Variants in MYO6 observed in about 807,000 individuals in gnomAD.
MYO6 encodes myosin VI.
In MYO6, 74 loss-of-function variants were observed where a neutral mutation model predicts 178.7. That is an observed-to-expected ratio of 0.41 (90% CI 0.34 to 0.50). MYO6 has a LOEUF of 0.50. MYO6 is among the 20% of genes least tolerant of loss of function. The pLI is 0.09. For missense variants in MYO6, 1,330 were observed against 1,547.4 expected, an observed-to-expected ratio of 0.86 and a Z score of 2.36; for synonymous variants, 477 against 504.6, an observed-to-expected ratio of 0.95 and a Z score of 0.73.
rs11343853 is a variant in MYO6, at chr6:75,848,714, CT to C, written c.1078+184del. The stretch of plus-strand genomic sequence containing the variant: ...GTTTCATTATCAGTCATTCTGAGCT[CT>C]GTTTTGAACAAATCAGTGATATTGC... On this transcript the variant is annotated intron_variant, in intron 11 of 34. Coordinates refer to ENST00000369977, the MANE Select transcript of MYO6 (RefSeq NM_004999.4). 0.34 allele frequency among the ~76,000 whole-genome samples: 51,436 copies of C among 151,816 alleles called. 9,583 individuals are homozygous for C. Among genetic ancestry groups the C allele is most frequent in the Admixed American group, 0.48 (7,288 of 15,212 alleles).
chr6:75,907,781 GGTGTGTGTGTGTAT>G, intron 31 of MYO6, 73 bp downstream of exon 31: 3 of 1,035,528 alleles, frequency 2.9e-6, no homozygotes, highest in South Asian at 1.3e-5. Flanking sequence ...ATTAGGGTGA[GGTGTGTGTGTGTAT>G]GTGTGTGTGT....
intron 2 of MYO6, among the ~76,000 whole-genome samples, chr6:75,820,205 T>A (rs1771729632): frequency 6.6e-6 from 1 of 152,182 alleles, no homozygotes; most frequent in African/African-American, 2.4e-5. Context: ...GGTCTTCTGT[T>A]GTGTCAACCA....
At chr6:75,913,975 A>T (rs1780960980) in intron 33 of MYO6, 88 bp from the exon 34 acceptor site, 1 of 1,173,914 alleles carries the variant, frequency 8.5e-7, no homozygotes, top group South Asian at 1.4e-5. Context: ...TCTTCTTTTT[A>T]AAAAATTATT....
intron 29 of MYO6, among the ~76,000 whole-genome samples, chr6:75,896,905 A>G (rs1438308965): frequency 1.3e-5 from 2 of 152,264 alleles, no homozygotes; most frequent in African/African-American, 4.8e-5. Context: ...ATATTTGCAT[A>G]TAGTTTGGTA....
chr6:75,814,462 G>T (rs1483895184), intron 1 of MYO6, among the ~76,000 whole-genome samples: 1 of 152,172 alleles, frequency 6.6e-6, no homozygotes, highest in African/African-American at 2.4e-5. Context: ...TCCTGAAGGG[G>T]AAGTGATTGC....
At chr6:75,884,280 G>A (rs776167053) in intron 23 of MYO6, among the ~76,000 whole-genome samples, 5 of 152,134 alleles carry the variant, frequency 3.3e-5, no homozygotes, top group Non-Finnish European at 7.3e-5. Context: ...ATTCTCAGAG[G>A]CTTCACTCAG....
intron 1 of MYO6, among the ~76,000 whole-genome samples, chr6:75,805,021 A>ATATATATACTTT (rs1252912172): frequency 1.3e-5 from 1 of 77,312 alleles, no homozygotes; most frequent in Non-Finnish European, 2.0e-5. Context: ...ATATATATAT[A>ATATATATACTTT]TTTTTTTTTT....
chr6:75,757,236 GACAT>G (rs573236843), intron 1 of MYO6, among the ~76,000 whole-genome samples: 149 of 145,346 alleles, frequency 1.0e-3, no homozygotes, highest in Non-Finnish European at 1.7e-3. Flanking sequence ...TACATATATA[GACAT>G]ACATACATAT....
In MYO6 at chr6:75,861,069, A is replaced by C. The variant is rs1469496839; in HGVS notation, c.1520A>C (p.His507Pro). The change falls in exon 15 of 35, where the codon CAT becomes CCT. Residue 507 changes from histidine to proline, a missense_variant. This residue lies in a region of MYO6 where 613 missense variants were observed against 816.8 expected (regional missense o/e 0.75). Coordinates refer to ENST00000369977, the MANE Select transcript of MYO6 (RefSeq NM_004999.4). ...QKEGLGVNEV[H>P]YVDNQDCIDL... ...GAAGGTTTAGGTGTTAATGAAGTGCATTATGTGGATAATCAGGACTGTATA... is the reference window on the plus strand; with the variant it reads ...GAAGGTTTAGGTGTTAATGAAGTGCCTTATGTGGATAATCAGGACTGTATA... 6.2e-7 allele frequency: 1 copy of C among 1,610,618 alleles called. No homozygotes were observed. The highest frequency in any genetic ancestry group is 1.7e-5 in the Admixed American group (1 of 60,016).
chr6:75,839,751 C>T (rs1418122395), intron 7 of MYO6, among the ~76,000 whole-genome samples: 1 of 151,770 alleles, frequency 6.6e-6, no homozygotes, highest in Non-Finnish European at 1.5e-5. Context: ...ATTCTGAGAG[C>T]CTTAGGTAAT....
At chr6:75,833,745 T>G (rs1773360795) in intron 6 of MYO6, among the ~76,000 whole-genome samples, 1 of 152,240 alleles carries the variant, frequency 6.6e-6, no homozygotes, top group Non-Finnish European at 1.5e-5. Context: ...TCCATGCATT[T>G]GTCAATGGAC....
At chr6:75,801,493 C>T (rs1769452695) in intron 1 of MYO6, among the ~76,000 whole-genome samples, 1 of 151,394 alleles carries the variant, frequency 6.6e-6, no homozygotes, top group Admixed American at 6.6e-5. Flanking sequence ...GGCACAGATG[C>T]AGCTTGATAT....
chr6:75,760,312 G>A (rs1192236599), intron 1 of MYO6, among the ~76,000 whole-genome samples: 1 of 152,114 alleles, frequency 6.6e-6, no homozygotes, highest in Admixed American at 6.6e-5. Context: ...TTCCTTAGGG[G>A]TTACTAAAGA....
chr6:75,895,840 G>T (rs1189883016), intron 29 of MYO6, among the ~76,000 whole-genome samples: 2 of 151,908 alleles, frequency 1.3e-5, no homozygotes, highest in Admixed American at 6.6e-5. Context: ...TTTTTAAACT[G>T]CCCCTTACCT....
rs369048132 is a variant in MYO6 at position 75,886,930 on chromosome 6, C to T, written c.2594C>T (p.Pro865Leu). The T allele has an allele frequency of 1.9e-6, 3 of 1,613,286 alleles. No individual in the cohort carries two copies. In the African/African-American group the frequency reaches 4.0e-5, roughly 22 times the overall value. The change falls in exon 25 of 35, where the codon CCC (proline) becomes CTC (leucine). Residue 865 changes from proline to leucine, a missense_variant. Pro to Leu is a moderately conservative substitution (Grantham distance 98). Around this residue, in one of 3 missense-constraint regions of MYO6, gnomAD observed 601 missense variants for 626.1 expected, o/e 0.96. Transcript: ENST00000369977. Reference sequence around the variant, plus strand: ...GTCAGTGTGTTGAAAGATGGAAAACCCGAGATGAATAAACAGATCAAGAAT... The same window carrying T: ...GTCAGTGTGTTGAAAGATGGAAAACTCGAGATGAATAAACAGATCAAGAAT... ...EVVSVLKDGK[P>L]EMNKQIKNLE...
At chr6:75,877,305 C>T (rs535295377) in intron 20 of MYO6, among the ~76,000 whole-genome samples, 59 of 148,410 alleles carry the variant, frequency 4.0e-4, no homozygotes, top group South Asian at 8.7e-4. Context: ...CTCACTCTGT[C>T]GCCCAGGCTG....
chr6:75,852,880 T>A (rs1348475187), intron 11 of MYO6, among the ~76,000 whole-genome samples: 4 of 152,200 alleles, frequency 2.6e-5, no homozygotes, highest in African/African-American at 9.7e-5. Flanking sequence ...AACTGCTGAA[T>A]CACATCATGG....
chr6:75,808,257 G>A (rs916889813), intron 1 of MYO6, among the ~76,000 whole-genome samples: 8 of 152,180 alleles, frequency 5.3e-5, no homozygotes, highest in Admixed American at 3.9e-4. Context: ...GATATCTGAC[G>A]TCAGTGTGTC....
intron 11 of MYO6, among the ~76,000 whole-genome samples, chr6:75,853,618 CTTA>C (rs1239922649): frequency 6.6e-6 from 1 of 152,046 alleles, no homozygotes; most frequent in Non-Finnish European, 1.5e-5. Context: ...GTCCCAACAT[CTTA>C]TTATTGTAAG....
Sources: gnomAD v4.1 joint callset for allele counts (sites outside exome capture counted in the v4.1 genomes callset) on GRCh38, gnomAD v4.1.1 for gene constraint, gnomAD v4.1.1 regional missense constraint, MANE v1.5 for transcripts, NCBI Gene and HGNC (gene_info 2026-07-23, HGNC 2026-07-21) for gene names.